The following DACH1 variants were observed in gnomAD, a reference collection of about 807,000 sequenced individuals.
DACH1 encodes dachshund homolog 1.
Under a neutral mutation model 54.2 loss-of-function variants are expected in DACH1, and 12 were observed. That is an observed-to-expected ratio of 0.22 (90% CI 0.14 to 0.36). DACH1 has a LOEUF of 0.36. Among genes scored for constraint, DACH1 ranks in the 10% least tolerant of loss-of-function variants. The pLI, the probability that DACH1 is intolerant of heterozygous loss-of-function variation, is 1.00. For missense variants in DACH1, 805 were observed against 929.8 expected (o/e 0.87, Z 1.75); for synonymous variants, 386 against 366.2 (o/e 1.05, Z -0.62).
intron 7 of DACH1, 132 bp downstream of exon 7, chr13:71,488,865 T>C (rs1878755497): frequency 4.5e-6 from 3 of 665,474 alleles, no homozygotes; most frequent in African/African-American, 3.6e-5. Flanking sequence ...AAAATCTAAG[T>C]TGCTTGAAGA....
intron 2 of DACH1, among the ~76,000 whole-genome samples, chr13:71,633,646 T>G (rs189964738): frequency 6.6e-6 from 1 of 152,122 alleles, no homozygotes; most frequent in Non-Finnish European, 1.5e-5. Flanking sequence ...ATGCTGTAAC[T>G]TAACTACAAC....
At chr13:71,810,580 A>G (rs1887671395) in intron 1 of DACH1, among the ~76,000 whole-genome samples, 1 of 152,188 alleles carries the variant, frequency 6.6e-6, no homozygotes, top group African/African-American at 2.4e-5. Context: ...AGGTGGCTGA[A>G]TAGGAAAAGA....
intron 5 of DACH1, 118 bp from the exon 6 acceptor site, chr13:71,557,276 T>G (rs1391493637): frequency 2.9e-5 from 20 of 680,112 alleles, no homozygotes; most frequent in Non-Finnish European, 3.0e-5. Flanking sequence ...ATTAATATAA[T>G]GGTCTACCTT....
intron 1 of DACH1, among the ~76,000 whole-genome samples, chr13:71,682,299 G>A (rs1880948910): frequency 6.6e-6 from 1 of 152,158 alleles, no homozygotes; most frequent in Non-Finnish European, 1.5e-5. Flanking sequence ...AACCAAATAT[G>A]TGTAGTACTT....
At chr13:71,736,356 A>G (rs905781515) in intron 1 of DACH1, among the ~76,000 whole-genome samples, 1 of 152,240 alleles carries the variant, frequency 6.6e-6, no homozygotes, top group Non-Finnish European at 1.5e-5. Flanking sequence ...TCACTAAAGT[A>G]CTAAAGCATA....
At chr13:71,566,507 T>C (rs994367788) in intron 4 of DACH1, among the ~76,000 whole-genome samples, 3 of 152,204 alleles carry the variant, frequency 2.0e-5, no homozygotes, top group African/African-American at 7.2e-5. Context: ...GATCAGTTTT[T>C]ATGGAAAAGG....
intron 9 of DACH1, among the ~76,000 whole-genome samples, 158 bp downstream of exon 9, chr13:71,475,548 A>G (rs1470739772): frequency 6.6e-6 from 1 of 152,118 alleles, no homozygotes; most frequent in East Asian, 1.9e-4. Flanking sequence ...AAAATAAGGC[A>G]TTTTCCCCAA....
chr13:71,718,402 T>G (rs1438367144), intron 1 of DACH1, among the ~76,000 whole-genome samples: 1 of 151,778 alleles, frequency 6.6e-6, no homozygotes, highest in Non-Finnish European at 1.5e-5. Context: ...CTGGGCAACA[T>G]AGCGAGACCT....
intron 1 of DACH1, among the ~76,000 whole-genome samples, chr13:71,739,652 C>G (rs1406185836): frequency 6.6e-6 from 1 of 152,152 alleles, no homozygotes; most frequent in African/African-American, 2.4e-5. Flanking sequence ...CTGGACAAGA[C>G]AGCTCTAGAA....
chr13:71,577,020 T>C (rs1442297488), intron 3 of DACH1, among the ~76,000 whole-genome samples: 3 of 152,150 alleles, frequency 2.0e-5, no homozygotes, highest in Non-Finnish European at 2.9e-5. Context: ...ATGGTGGTAA[T>C]GTCTGATCCT....
At chr13:71,761,622 T>C (rs1014246345) in intron 1 of DACH1, among the ~76,000 whole-genome samples, 10 of 152,116 alleles carry the variant, frequency 6.6e-5, no homozygotes, top group Non-Finnish European at 1.3e-4. Flanking sequence ...GTACACATCA[T>C]CTGGGGTTGG....
intron 6 of DACH1, among the ~76,000 whole-genome samples, chr13:71,543,289 C>T (rs1285182648): frequency 6.6e-6 from 1 of 152,098 alleles, no homozygotes; most frequent in African/African-American, 2.4e-5. Flanking sequence ...AATCAGCACA[C>T]ATCCCACATT....
intron 3 of DACH1, among the ~76,000 whole-genome samples, chr13:71,604,981 T>C (rs1874771490): frequency 6.6e-6 from 1 of 151,874 alleles, no homozygotes; most frequent in African/African-American, 2.4e-5. Context: ...GACAAAGTGG[T>C]CTATAAATGT....
intron 1 of DACH1, among the ~76,000 whole-genome samples, chr13:71,769,274 A>ATGG (rs1885758721): frequency 6.6e-6 from 1 of 151,698 alleles, no homozygotes; most frequent in Non-Finnish European, 1.5e-5. Context: ...CACATTAAAG[A>ATGG]TTCCATATAA....
intron 1 of DACH1, among the ~76,000 whole-genome samples, chr13:71,775,127 CTTTTTTTTT>C (rs767902341): frequency 3.0e-4 from 16 of 54,028 alleles, no homozygotes; most frequent in South Asian, 1.0e-3. Flanking sequence ...TCAACACAAG[CTTTTTTTTT>C]TTTTTTTTTT....
chr13:71,807,964 A>G (rs1019643022), intron 1 of DACH1, among the ~76,000 whole-genome samples: 1 of 152,264 alleles, frequency 6.6e-6, no homozygotes, highest in East Asian at 1.9e-4. Context: ...CTTATCAAAT[A>G]ATGTAGTCGG....
intron 3 of DACH1, among the ~76,000 whole-genome samples, chr13:71,586,256 A>G (rs1873257900): frequency 6.6e-6 from 1 of 152,158 alleles, no homozygotes; most frequent in African/African-American, 2.4e-5. Flanking sequence ...GTTAACAGAT[A>G]ACTTTTAGAC....
At chr13:71,835,783 A>T (rs1385432535) in intron 1 of DACH1, among the ~76,000 whole-genome samples, 1 of 146,460 alleles carries the variant, frequency 6.8e-6, no homozygotes, top group African/African-American at 2.4e-5. Context: ...GATGAAAGTC[A>T]ATCTTCTAGC....
At chr13:71,762,481 C>T (rs1431013049) in intron 1 of DACH1, among the ~76,000 whole-genome samples, 4 of 151,880 alleles carry the variant, frequency 2.6e-5, no homozygotes, top group East Asian at 1.9e-4. Context: ...CATCTAGGTC[C>T]GGCGTGGTGG....
Sources: allele counts gnomAD v4.1 joint callset (sites outside exome capture counted in the v4.1 genomes callset), GRCh38; gene constraint gnomAD v4.1.1; transcripts MANE v1.5; gene names NCBI Gene and HGNC (gene_info 2026-07-23, HGNC 2026-07-21).